Variants in DLG2 observed in about 807,000 individuals in gnomAD.
DLG2 encodes the protein discs large MAGUK scaffold protein 2, also known as disks large homolog 2.
In DLG2, 45 loss-of-function variants were observed where a neutral mutation model predicts 132.5. That is an observed-to-expected ratio of 0.34 (90% CI 0.27 to 0.44). DLG2 has a LOEUF of 0.44. Among genes scored for constraint, DLG2 ranks in the 20% least tolerant of loss-of-function variants. The pLI, the probability that DLG2 is intolerant of heterozygous loss-of-function variation, is 1.00. For synonymous variants in DLG2, 424 were observed against 419.6 expected (o/e 1.01, Z -0.13); for missense variants, 1,045 against 1,196.9 (o/e 0.87, Z 1.87).
At chr11:84,760,607 C>T (rs1420951544) in intron 6 of DLG2, among the ~76,000 whole-genome samples, 1 of 152,196 alleles carries the variant, frequency 6.6e-6, no homozygotes, top group African/African-American at 2.4e-5. Context: ...CTGTGCACAC[C>T]TTCATGACTA....
At chr11:85,604,742 C>T (rs958305690) in intron 2 of DLG2, among the ~76,000 whole-genome samples, 2 of 151,884 alleles carry the variant, frequency 1.3e-5, no homozygotes, top group Non-Finnish European at 2.9e-5. Context: ...AATATGCAAC[C>T]AAGGGATAGT....
At chr11:84,458,239 G>T (rs1319139135) in intron 7 of DLG2, among the ~76,000 whole-genome samples, 1 of 150,818 alleles carries the variant, frequency 6.6e-6, no homozygotes, top group Admixed American at 6.6e-5. Context: ...GATAAAATAA[G>T]TATACAAAAT....
chr11:85,315,734 A>T (rs1214635535), intron 3 of DLG2, among the ~76,000 whole-genome samples: 1 of 151,938 alleles, frequency 6.6e-6, no homozygotes, highest in African/African-American at 2.4e-5. Flanking sequence ...TAGCTGTCCT[A>T]TTGGGGTGCT....
intron 4 of DLG2, among the ~76,000 whole-genome samples, chr11:85,260,152 G>T (rs1048701410): frequency 3.9e-5 from 6 of 152,096 alleles, no homozygotes; most frequent in Non-Finnish European, 8.8e-5. Flanking sequence ...GGGGGATAAA[G>T]ATAAAATCCA....
chr11:84,534,273 G>A (rs2099350259), intron 7 of DLG2, among the ~76,000 whole-genome samples: 2 of 152,100 alleles, frequency 1.3e-5, no homozygotes, highest in Admixed American at 6.6e-5. Flanking sequence ...TGATGTACTT[G>A]GGGTTTAAAA....
chr11:85,082,739 T>C (rs571851802), intron 6 of DLG2, among the ~76,000 whole-genome samples: 25 of 146,796 alleles, frequency 1.7e-4, no homozygotes, highest in African/African-American at 5.4e-4. Flanking sequence ...TTCTTTCTTT[T>C]TTTTTTTTTT....
At chr11:84,506,453 C>T (rs575034129) in intron 7 of DLG2, among the ~76,000 whole-genome samples, 6 of 152,120 alleles carry the variant, frequency 3.9e-5, no homozygotes, top group African/African-American at 7.2e-5. Context: ...TGCTATGCTT[C>T]GGAGAGAAAT....
chr11:83,533,895 G>A (rs1035128508), intron 20 of DLG2, among the ~76,000 whole-genome samples: 3 of 152,086 alleles, frequency 2.0e-5, no homozygotes, highest in African/African-American at 4.8e-5. Context: ...AACCCTGGTC[G>A]AGGTGGAAGA....
intron 16 of DLG2, among the ~76,000 whole-genome samples, chr11:83,857,903 C>T (rs2060809416): frequency 6.6e-6 from 1 of 151,648 alleles, no homozygotes; most frequent in Non-Finnish European, 1.5e-5. Context: ...GTTCTCTTTG[C>T]TCCTATGTCC....
At chr11:84,313,586 G>A (rs1398786043) in intron 7 of DLG2, among the ~76,000 whole-genome samples, 14 of 101,048 alleles carry the variant, frequency 1.4e-4, no homozygotes, top group East Asian at 3.5e-4. Context: ...AGAGAGAAAG[G>A]AAGGAAGGAA....
intron 12 of DLG2, among the ~76,000 whole-genome samples, chr11:83,975,000 C>T (rs988308948): frequency 6.6e-6 from 1 of 151,996 alleles, no homozygotes; most frequent in Non-Finnish European, 1.5e-5. Flanking sequence ...AAAGAAGAGG[C>T]TAAGATTTTA....
intron 18 of DLG2, among the ~76,000 whole-genome samples, chr11:83,759,674 A>G (rs2093815465): frequency 6.6e-6 from 1 of 152,164 alleles, no homozygotes; most frequent in Non-Finnish European, 1.5e-5. Flanking sequence ...GTTGACACAA[A>G]ATCACAGAAC....
At chr11:85,451,840 G>A (rs2092258099) in intron 3 of DLG2, among the ~76,000 whole-genome samples, 1 of 152,030 alleles carries the variant, frequency 6.6e-6, no homozygotes. Context: ...GAGCCAGCAT[G>A]CCCTGCCCAA....
At chr11:84,770,878 A>G (rs375156166) in intron 6 of DLG2, among the ~76,000 whole-genome samples, 17 of 149,302 alleles carry the variant, frequency 1.1e-4, no homozygotes, top group Non-Finnish European at 2.1e-4. Context: ...CAATCTCCTG[A>G]CCCTCGTGAT....
At chr11:84,561,747 A>G (rs1035201074) in intron 6 of DLG2, among the ~76,000 whole-genome samples, 2 of 152,200 alleles carry the variant, frequency 1.3e-5, no homozygotes, top group Non-Finnish European at 1.5e-5. Flanking sequence ...TGAAATGCTA[A>G]GAAAATATTT....
intron 6 of DLG2, among the ~76,000 whole-genome samples, chr11:84,979,070 C>T (rs1228165809): frequency 6.6e-6 from 1 of 152,182 alleles, no homozygotes; most frequent in Non-Finnish European, 1.5e-5. Flanking sequence ...TGCTCATCAT[C>T]ACTGGGTATC....
chr11:85,495,969 C>T (rs553584228), intron 3 of DLG2, among the ~76,000 whole-genome samples: 14 of 152,178 alleles, frequency 9.2e-5, no homozygotes, highest in Non-Finnish European at 1.6e-4. Context: ...AGCTCTACAG[C>T]TCCCAGTGAG....
intron 6 of DLG2, among the ~76,000 whole-genome samples, chr11:84,724,117 G>C (rs2062134472): frequency 2.0e-5 from 3 of 152,000 alleles, no homozygotes; most frequent in Admixed American, 2.0e-4. Flanking sequence ...GCTACTAGGA[G>C]CCATGGTGCT....
chr11:83,863,122 A>G (rs1164778145), intron 16 of DLG2, among the ~76,000 whole-genome samples: 1 of 152,236 alleles, frequency 6.6e-6, no homozygotes, highest in Admixed American at 6.5e-5. Flanking sequence ...AACAGAGATC[A>G]GTGGAGACCC....
Sources: gnomAD v4.1 joint callset for allele counts (sites outside exome capture counted in the v4.1 genomes callset) on GRCh38, gnomAD v4.1.1 for gene constraint, MANE v1.5 for transcripts, NCBI Gene and HGNC (gene_info 2026-07-23, HGNC 2026-07-21) for gene names.